LDLRAD4: variants seen among roughly 807,000 people sequenced by gnomAD.
The protein encoded by LDLRAD4 is low-density lipoprotein receptor class A domain-containing protein 4.
In LDLRAD4, 5 loss-of-function variants were observed where a neutral mutation model predicts 17.0. The ratio of observed to expected loss-of-function variants is 0.29; its 90% CI spans 0.15 to 0.62. The LOEUF (loss-of-function observed/expected upper bound fraction) is 0.62. LDLRAD4 is among the 20% of genes least tolerant of loss of function. The pLI, the probability that LDLRAD4 is intolerant of heterozygous loss-of-function variation, is 0.84. For synonymous variants in LDLRAD4, 168 were observed against 171.8 expected (o/e 0.98, Z 0.17); for missense variants, 340 against 424.7 (o/e 0.80, Z 1.75).
At chr18:13,229,525 G>A (rs1019895860) in intron 1 of LDLRAD4, among the ~76,000 whole-genome samples, 3 of 152,124 alleles carry the variant, frequency 2.0e-5, no homozygotes, top group Non-Finnish European at 4.4e-5. Flanking sequence ...CCCAGTTCCC[G>A]CCTTTTGGAG....
chr18:13,610,290 T>C lies in LDLRAD4; in HGVS notation c.182-10827T>C, dbSNP rs1036377537. Among the ~76,000 whole-genome samples, 303 of 64,782 alleles carry C rather than the reference T, an allele frequency of 4.7e-3. 4 individuals are homozygous for C. Among genetic ancestry groups the C allele is most frequent in the Non-Finnish European group, 6.8e-3 (215 of 31,626 alleles). 42.5% of individuals were successfully genotyped at this position (64,782 alleles called of 152,430 possible). On this transcript the variant is annotated intron_variant, in intron 3 of 5. Coordinates refer to ENST00000359446, the Ensembl canonical transcript of LDLRAD4. ...ATTTTTTTTTTTTTTTTTTTTTTTT[T>C]TTTTTTTTTTTTTTTGAGACGGAGT...
rs375222988 is a variant in LDLRAD4, at chr18:13,480,327, G to A, written c.181+41943G>A. On this transcript the variant is annotated intron_variant, in intron 3 of 5. Transcript: ENST00000359446. ...TGAAAGAAGCCAGTCTGAAAGCTAC[G>A]TACAGTGTGAGTCCAACTGTGTGAC... is the stretch of plus-strand genomic sequence containing the variant. Among the ~76,000 whole-genome samples the A allele has an allele frequency of 1.5e-4, 23 of 152,308 alleles. No individual in the cohort carries two copies. In the East Asian group the frequency reaches 2.7e-3, roughly 18 times the overall value.
intron 3 of LDLRAD4, among the ~76,000 whole-genome samples, chr18:13,477,033 A>G (rs548180246): frequency 5.3e-5 from 8 of 152,266 alleles, no homozygotes; most frequent in Non-Finnish European, 1.2e-4. Context: ...TTTGAATTTG[A>G]CCTCACAATG....
chr18:13,461,293 T>C (rs1346824801), intron 3 of LDLRAD4: 1 of 152,254 alleles, frequency 6.6e-6, no homozygotes, highest in East Asian at 1.9e-4. Flanking sequence ...TTTGAGAGTC[T>C]GGGGGAACCA....
intron 4 of LDLRAD4, among the ~76,000 whole-genome samples, chr18:13,633,299 T>C (rs1026559510): frequency 2.6e-5 from 4 of 152,234 alleles, no homozygotes; most frequent in Non-Finnish European, 5.9e-5. Context: ...TCCTAAGTTC[T>C]TACTCTGGTC....
intron 1 of LDLRAD4, among the ~76,000 whole-genome samples, chr18:13,307,282 G>T (rs1011522273): frequency 3.3e-5 from 5 of 152,190 alleles, no homozygotes; most frequent in African/African-American, 1.2e-4. Context: ...AGACAGCATG[G>T]CCAACCCTGA....
intron 3 of LDLRAD4, chr18:13,490,212 T>TC (rs2093330401): frequency 6.6e-6 from 1 of 152,164 alleles, no homozygotes; most frequent in Admixed American, 6.5e-5. Context: ...TATAACTCTG[T>TC]CAACAGCCAC....
rs58789845 is a variant in LDLRAD4 at position 13,479,956 on chromosome 18, G to A, written c.181+41572G>A. Among the ~76,000 whole-genome samples, 224 of 152,294 alleles carry A rather than the reference G, an allele frequency of 1.5e-3. 4 individuals are homozygous for A. The East Asian group carries it at 0.032, about 22-fold the overall frequency. ...GTGCTGGGGAGGATGTGGAGCCACCGGAACTCTCATCTATGGCGGGGGGCA... is the reference window on the plus strand; with the variant it reads ...GTGCTGGGGAGGATGTGGAGCCACCAGAACTCTCATCTATGGCGGGGGGCA... On this transcript the variant is annotated intron_variant, in intron 3 of 5. Transcript: ENST00000359446.
At chr18:13,295,700 A>G (rs537081210) in intron 1 of LDLRAD4, among the ~76,000 whole-genome samples, 69 of 152,376 alleles carry the variant, frequency 4.5e-4, no homozygotes, top group African/African-American at 1.3e-3. Flanking sequence ...CAGGGAATAC[A>G]TATTCTTGAA....
intron 4 of LDLRAD4, among the ~76,000 whole-genome samples, chr18:13,640,008 A>C (rs985281037): frequency 6.6e-5 from 10 of 152,132 alleles, no homozygotes; most frequent in Admixed American, 4.6e-4. Context: ...AGAAACTGGC[A>C]AGGTGCGGTG....
chr18:13,349,603 A>G (rs2082920242), intron 1 of LDLRAD4, among the ~76,000 whole-genome samples: 1 of 152,000 alleles, frequency 6.6e-6, no homozygotes, highest in Non-Finnish European at 1.5e-5. Flanking sequence ...GAATATCTTA[A>G]TTTGTCCCTC....
rs1487478272 is a variant in LDLRAD4 at position 13,239,679 on chromosome 18, G to A, written c.-467+20691G>A. On this transcript the variant is annotated intron_variant, in intron 1 of 5. Transcript: ENST00000399848. ...ACTCACTGTTCCACTTTCTTGTAATGCCTGCACCAGTCACAGTGTGGACTG... is the reference window on the plus strand; with the variant it reads ...ACTCACTGTTCCACTTTCTTGTAATACCTGCACCAGTCACAGTGTGGACTG... 3 of 152,264 alleles carry A rather than the reference G, an allele frequency of 2.0e-5. No individual in the cohort carries two copies. The East Asian group carries it at 5.8e-4, about 29-fold the overall frequency. 9.4% of individuals were successfully genotyped at this position (152,264 alleles called of 1,614,324 possible).
chr18:13,414,041 A>G (rs531150160), intron 2 of LDLRAD4, among the ~76,000 whole-genome samples: 23 of 152,284 alleles, frequency 1.5e-4, no homozygotes, highest in African/African-American at 5.1e-4. Context: ...TGTGCTGGAC[A>G]TATTTTCTCA....
At position 13,300,891 on chromosome 18, in the gene LDLRAD4, G is replaced by T. The variant is rs76963441; in HGVS notation, c.-383+22703G>T. Among the ~76,000 whole-genome samples the T allele has an allele frequency of 6.5e-3, 983 of 152,352 alleles. 14 individuals carry two copies. The highest frequency in any genetic ancestry group is 0.022 in the African/African-American group (933 of 41,582). On this transcript the variant is annotated intron_variant, in intron 1 of 5. Transcript: ENST00000359446. The surrounding 1 kb of genome is among the most constrained non-coding windows in gnomAD (Gnocchi z 4.2). ...GTGGTGAACTGGGAGCCGGCAGCGC[G>T]TCCCAGCGCTGAACCCGTGGCACCT...
intron 2 of LDLRAD4, among the ~76,000 whole-genome samples, chr18:13,422,963 C>T (rs911233408): frequency 1.3e-5 from 2 of 151,886 alleles, no homozygotes; most frequent in African/African-American, 4.8e-5. Flanking sequence ...GGTAGCAACT[C>T]CCTGGGGAGT....
At chr18:13,266,297 C>A (rs2044212369) in intron 1 of LDLRAD4, among the ~76,000 whole-genome samples, 1 of 152,198 alleles carries the variant, frequency 6.6e-6, no homozygotes, top group South Asian at 2.1e-4. Flanking sequence ...GCCCTCCAGC[C>A]CTGCATTCAC....
chr18:13,592,476 A>G lies in LDLRAD4; in HGVS notation c.182-28641A>G, dbSNP rs1455189157. Among the ~76,000 whole-genome samples the G allele has an allele frequency of 3.9e-5, 6 of 152,246 alleles. No homozygotes were observed. The South Asian group carries it at 1.0e-3, about 26-fold the overall frequency. On this transcript the variant is annotated intron_variant, in intron 3 of 5. Coordinates refer to ENST00000359446, the Ensembl canonical transcript of LDLRAD4. ...CTTCCCTCTGAAGGCCAGAAAAAGG[A>G]GGTAGCATTACGATTAGGAAAGTGA... is the stretch of plus-strand genomic sequence containing the variant.
chr18:13,222,571 G>A (rs1267153508), intron 1 of LDLRAD4, among the ~76,000 whole-genome samples: 1 of 152,214 alleles, frequency 6.6e-6, no homozygotes, highest in Non-Finnish European at 1.5e-5. Context: ...TGCAGCCGGC[G>A]GCCGGCTGGG....
intron 3 of LDLRAD4, chr18:13,614,512 T>C (rs956620268): frequency 2.6e-5 from 4 of 152,226 alleles, no homozygotes; most frequent in Non-Finnish European, 5.9e-5. Flanking sequence ...ATTCAAAATA[T>C]ATAATGTAAT....
Sources: allele counts gnomAD v4.1 joint callset (sites outside exome capture counted in the v4.1 genomes callset), GRCh38; gene constraint gnomAD v4.1.1; non-coding constraint Gnocchi (gnomAD v3.1); transcripts MANE v1.5; gene names NCBI Gene and HGNC (gene_info 2026-07-23, HGNC 2026-07-21).